CCDC6: variants seen among roughly 807,000 people sequenced by gnomAD.
CCDC6 encodes coiled-coil domain-containing protein 6.
A neutral mutation model predicts 56.6 loss-of-function variants in CCDC6; 20 were observed. The ratio of observed to expected loss-of-function variants is 0.35; its 90% CI spans 0.25 to 0.51. The LOEUF is 0.51. CCDC6 is among the 20% of genes least tolerant of loss of function. CCDC6 has a pLI of 0.95. For missense variants in CCDC6, 367 were observed against 601.1 expected (o/e 0.61, Z 4.07); for synonymous variants, 241 against 234.4 (o/e 1.03, Z -0.26).
At chr10:59,904,010 G>C (rs1000645280) in intron 1 of CCDC6, among the ~76,000 whole-genome samples, 2 of 152,220 alleles carry the variant, frequency 1.3e-5, no homozygotes, top group African/African-American at 2.4e-5. Flanking sequence ...CAACTGCCAA[G>C]TATTAGGAAA....
intron 1 of CCDC6, among the ~76,000 whole-genome samples, chr10:59,884,738 T>C (rs1016534415): frequency 3.3e-5 from 5 of 152,204 alleles, no homozygotes; most frequent in Non-Finnish European, 7.3e-5. Flanking sequence ...CACACACTTG[T>C]ATTTGCATAA....
At chr10:59,793,316 C>G (rs1465507323) in intron 8 of CCDC6, among the ~76,000 whole-genome samples, 2 of 152,162 alleles carry the variant, frequency 1.3e-5, no homozygotes, top group Non-Finnish European at 2.9e-5. Flanking sequence ...TATGAAAAAG[C>G]TACATAAAAT....
chr10:59,859,941 G>A (rs2071113762), intron 1 of CCDC6, among the ~76,000 whole-genome samples: 1 of 152,192 alleles, frequency 6.6e-6, no homozygotes, highest in Non-Finnish European at 1.5e-5. Context: ...AATTAGCTGG[G>A]TGTGGTGGCG....
chr10:59,850,715 C>T (rs2071031788), intron 2 of CCDC6, among the ~76,000 whole-genome samples: 2 of 151,888 alleles, frequency 1.3e-5, no homozygotes, highest in Non-Finnish European at 2.9e-5. Flanking sequence ...TTTCTCTTGA[C>T]CAAGAACTAC....
At chr10:59,821,521 T>G (rs2070749485) in intron 3 of CCDC6, among the ~76,000 whole-genome samples, 1 of 152,192 alleles carries the variant, frequency 6.6e-6, no homozygotes, top group Non-Finnish European at 1.5e-5. Flanking sequence ...ACAGATAAAC[T>G]AAGACAGGTG....
intron 3 of CCDC6, among the ~76,000 whole-genome samples, chr10:59,825,693 T>C (rs1005662478): frequency 7.2e-5 from 11 of 152,200 alleles, no homozygotes; most frequent in African/African-American, 2.7e-4. Flanking sequence ...CTGGCTATGA[T>C]GTCAGTTTGG....
Position 59,844,862 on chromosome 10 carries a change from C to T in CCDC6, c.453+7691G>A, listed in dbSNP as rs570843580. Among the ~76,000 whole-genome samples, 9 of 151,782 alleles carry T rather than the reference C, an allele frequency of 5.9e-5. No individual in the cohort carries two copies. In the East Asian group the frequency reaches 1.5e-3, roughly 26 times the overall value. On this transcript the variant is annotated intron_variant, in intron 2 of 8. Transcript: ENST00000263102. Reference sequence around the variant, plus strand: ...CCTGAGGAAGAAAGAGTGTTTAGCCCAAAGAATTCATTCTAAGCTGAGGCA... The same window carrying T: ...CCTGAGGAAGAAAGAGTGTTTAGCCTAAAGAATTCATTCTAAGCTGAGGCA...
chr10:59,820,305 T>C lies in CCDC6; in HGVS notation c.583-5550A>G, dbSNP rs111537673. 2.6e-3 allele frequency among the ~76,000 whole-genome samples: 391 copies of C among 152,364 alleles called. 5 individuals are homozygous for C. Among genetic ancestry groups the C allele is most frequent in the African/African-American group, 9.0e-3 (376 of 41,588 alleles). ...ACTCTAGCTAAATCTAGCTCAGTTA[T>C]AGGATTTTGAAAGGTTTTAGTGAAC... is the stretch of plus-strand genomic sequence containing the variant. On this transcript the variant is annotated intron_variant, in intron 3 of 8. Coordinates refer to ENST00000263102, the MANE Select transcript of CCDC6 (RefSeq NM_005436.5).
intron 2 of CCDC6, among the ~76,000 whole-genome samples, chr10:59,836,426 T>C (rs2070883545): frequency 1.3e-5 from 2 of 152,198 alleles, no homozygotes; most frequent in African/African-American, 4.8e-5. Flanking sequence ...ATCTTCAATA[T>C]GGGCAAACTT....
intron 2 of CCDC6, among the ~76,000 whole-genome samples, chr10:59,841,627 T>A (rs915826976): frequency 1.3e-5 from 2 of 151,988 alleles, no homozygotes; most frequent in Non-Finnish European, 2.9e-5. Flanking sequence ...ACGACAACAA[T>A]CAATATAGGT....
At chr10:59,901,953 A>AT (rs2071506152) in intron 1 of CCDC6, among the ~76,000 whole-genome samples, 1 of 151,936 alleles carries the variant, frequency 6.6e-6, no homozygotes, top group Non-Finnish European at 1.5e-5. Flanking sequence ...TCCAAAAAAA[A>AT]GAAATTATGA....
At chr10:59,814,556 T>C in intron 4 of CCDC6, 96 bp downstream of exon 4, 1 of 738,278 alleles carries the variant, frequency 1.4e-6, no homozygotes, top group Non-Finnish European at 2.4e-6. Context: ...CACCAAAGAA[T>C]TAAGGTGTCC....
At chr10:59,843,215 T>C (rs1295971923) in intron 2 of CCDC6, among the ~76,000 whole-genome samples, 3 of 152,226 alleles carry the variant, frequency 2.0e-5, no homozygotes. Context: ...CCTTGAATGT[T>C]TGGTACAACT....
At chr10:59,796,970 CAAAAA>C (rs56723229) in intron 7 of CCDC6, among the ~76,000 whole-genome samples, 3 of 120,088 alleles carry the variant, frequency 2.5e-5, no homozygotes, top group Non-Finnish European at 3.8e-5. Context: ...GATTCCATCT[CAAAAA>C]AAAAAAAAAA....
intron 2 of CCDC6, among the ~76,000 whole-genome samples, chr10:59,850,553 A>G (rs1345147476): frequency 6.6e-6 from 1 of 152,208 alleles, no homozygotes; most frequent in East Asian, 1.9e-4. Flanking sequence ...GGGCAAACAT[A>G]AGACATGCCC....
chr10:59,863,033 A>G lies in CCDC6; in HGVS notation c.304-10331T>C, dbSNP rs575789275. Among the ~76,000 whole-genome samples the G allele has an allele frequency of 1.4e-3, 216 of 152,330 alleles. 1 individual carries two copies. The highest frequency in any genetic ancestry group is 2.6e-3 in the Non-Finnish European group (178 of 68,026). On this transcript the variant is annotated intron_variant, in intron 1 of 8. Transcript: ENST00000263102. ...TCACACAGAAAATTAAAAAGCAATG[A>G]AATCAAAAGAAATACATTAAATACA...
At position 59,804,677 on chromosome 10, in the gene CCDC6, T is replaced by C. The variant is rs1028338773; in HGVS notation, c.1005-157A>G. On this transcript the variant is annotated intron_variant, in intron 6 of 8. Coordinates refer to ENST00000263102, the MANE Select transcript of CCDC6 (RefSeq NM_005436.5). Reference sequence around the variant, plus strand: ...AAAAGGCATTTATAAAATGGACTCCTGAGTCACACCGCTCTGCTGTTTGAC... The same window carrying C: ...AAAAGGCATTTATAAAATGGACTCCCGAGTCACACCGCTCTGCTGTTTGAC... 6.7e-6 allele frequency: 4 copies of C among 594,734 alleles called. No homozygotes were observed. The Admixed American group carries it at 1.1e-4, about 16-fold the overall frequency. 36.8% of individuals were successfully genotyped at this position (594,734 alleles called of 1,614,324 possible).
chr10:59,815,359 A>G (rs910758981), intron 3 of CCDC6, among the ~76,000 whole-genome samples: 5 of 152,148 alleles, frequency 3.3e-5, no homozygotes, highest in African/African-American at 1.2e-4. Flanking sequence ...TGCGGAGGGA[A>G]CCCCAACAGT....
At chr10:59,859,055 T>G (rs935512078) in intron 1 of CCDC6, among the ~76,000 whole-genome samples, 2 of 152,100 alleles carry the variant, frequency 1.3e-5, no homozygotes, top group African/African-American at 2.4e-5. Flanking sequence ...GAAGATAAAC[T>G]AAATAATTCA....
Sources: allele counts gnomAD v4.1 joint callset (sites outside exome capture counted in the v4.1 genomes callset), GRCh38; gene constraint gnomAD v4.1.1; transcripts MANE v1.5; gene names NCBI Gene and HGNC (gene_info 2026-07-23, HGNC 2026-07-21).